Variants in VPS54 observed in about 807,000 individuals in gnomAD.
VPS54 encodes VPS54 subunit of GARP complex.
Under a neutral mutation model 121.5 loss-of-function variants are expected in VPS54, and 45 were observed. That is an observed-to-expected ratio of 0.37 (90% CI 0.29 to 0.47). VPS54 has a LOEUF of 0.47. VPS54 is among the 20% of genes least tolerant of loss of function. The pLI is 0.99. For synonymous variants in VPS54, 371 were observed against 385.8 expected (o/e 0.96, Z 0.45); for missense variants, 1,090 against 1,131.4 (o/e 0.96, Z 0.52).
chr2:63,960,434 A>G (rs1373317462), intron 7 of VPS54, among the ~76,000 whole-genome samples: 3 of 152,032 alleles, frequency 2.0e-5, no homozygotes, highest in Admixed American at 6.5e-5. Context: ...TAAATATCCA[A>G]CCCTCTTCTT....
intron 5 of VPS54, among the ~76,000 whole-genome samples, chr2:63,967,667 C>T (rs1676063711): frequency 7.2e-6 from 1 of 138,740 alleles, no homozygotes; most frequent in African/African-American, 2.7e-5. Flanking sequence ...TGCAGTGAGC[C>T]AAGATTGTGC....
At chr2:63,938,028 A>G (rs1259250045) in intron 11 of VPS54, among the ~76,000 whole-genome samples, 3 of 135,054 alleles carry the variant, frequency 2.2e-5, no homozygotes, top group African/African-American at 5.9e-5. Context: ...GGATTGGGGA[A>G]AGTGGAAACG....
At chr2:63,902,041 G>A (rs1575883494) in intron 20 of VPS54, among the ~76,000 whole-genome samples, 1 of 152,160 alleles carries the variant, frequency 6.6e-6, no homozygotes, top group South Asian at 2.1e-4. Context: ...GAAAAAACAT[G>A]CCTGCTGCTG....
chr2:63,940,981 G>C (rs1325996891), intron 11 of VPS54, among the ~76,000 whole-genome samples: 1 of 152,298 alleles, frequency 6.6e-6, no homozygotes, highest in East Asian at 1.9e-4. Context: ...TTGTGAACCT[G>C]ATTGGAGAGC....
chr2:63,983,211 A>G (rs958329996), intron 2 of VPS54, among the ~76,000 whole-genome samples: 1 of 145,204 alleles, frequency 6.9e-6, no homozygotes, highest in South Asian at 2.2e-4. Flanking sequence ...AGTGCACTGC[A>G]ACCTCCACCT....
chr2:63,901,485 C>T (rs79864448), intron 20 of VPS54, among the ~76,000 whole-genome samples: 23,389 of 152,228 alleles, frequency 0.15, 2,300 homozygotes, highest in Middle Eastern at 0.25. Context: ...TTTTACTTCA[C>T]GGCCTCCAGG....
At chr2:63,998,833 G>C (rs1028244797) in intron 1 of VPS54, among the ~76,000 whole-genome samples, 27 of 152,012 alleles carry the variant, frequency 1.8e-4, no homozygotes, top group Admixed American at 5.9e-4. Flanking sequence ...TTACACACCA[G>C]TTATCATGTT....
intron 5 of VPS54, among the ~76,000 whole-genome samples, chr2:63,966,215 T>C (rs1675990786): frequency 6.6e-6 from 1 of 152,186 alleles, no homozygotes; most frequent in African/African-American, 2.4e-5. Flanking sequence ...GTCATTCTAT[T>C]ACTACATGAT....
At chr2:63,903,733 C>G (rs1046973486) in intron 20 of VPS54, among the ~76,000 whole-genome samples, 1 of 151,996 alleles carries the variant, frequency 6.6e-6, no homozygotes, top group Non-Finnish European at 1.5e-5. Context: ...GTTATAATCC[C>G]TAGAGCAGCC....
chr2:63,991,623 G>C (rs1346614474), intron 1 of VPS54, among the ~76,000 whole-genome samples: 2 of 152,212 alleles, frequency 1.3e-5, no homozygotes, highest in Non-Finnish European at 2.9e-5. Flanking sequence ...TGCTGCTACT[G>C]TTTGCTCACG....
intron 1 of VPS54, among the ~76,000 whole-genome samples, chr2:64,005,189 C>T (rs1437941374): frequency 2.1e-5 from 3 of 143,006 alleles, no homozygotes; most frequent in Admixed American, 7.2e-5. Context: ...CTGCAAGCTC[C>T]GCCTCCCAGG....
chr2:63,940,135 T>G (rs1437279436), intron 11 of VPS54, among the ~76,000 whole-genome samples: 3 of 152,166 alleles, frequency 2.0e-5, no homozygotes, highest in Non-Finnish European at 4.4e-5. Context: ...GTATATAATA[T>G]TCCATGGTAA....
At position 64,015,603 on chromosome 2, in the gene VPS54, C is replaced by T. The variant is rs570951524; in HGVS notation, c.-21+3335G>A. ...CATCCTTGGCCAATACCATTTCCTTCAGCTATGACAACCAAAAATGTCTCT... is the reference window on the plus strand; with the variant it reads ...CATCCTTGGCCAATACCATTTCCTTTAGCTATGACAACCAAAAATGTCTCT... On this transcript the variant is annotated intron_variant, in intron 1 of 22. Coordinates refer to ENST00000272322, the MANE Select transcript of VPS54 (RefSeq NM_016516.3). Among the ~76,000 whole-genome samples, 4 of 152,318 alleles carry T rather than the reference C, an allele frequency of 2.6e-5. No individual in the cohort carries two copies. The East Asian group carries it at 5.8e-4, about 22-fold the overall frequency.
intron 20 of VPS54, among the ~76,000 whole-genome samples, chr2:63,908,913 A>G (rs995267938): frequency 2.0e-5 from 3 of 152,212 alleles, no homozygotes; most frequent in African/African-American, 7.2e-5. Context: ...ATTTGAATTT[A>G]GGTCTACCTG....
At chr2:63,947,726 G>C (rs116432608) in intron 8 of VPS54, among the ~76,000 whole-genome samples, 1 of 152,028 alleles carries the variant, frequency 6.6e-6, no homozygotes, top group African/African-American at 2.4e-5. Context: ...GCTGGTTTTC[G>C]GGCAAAACAA....
intron 1 of VPS54, among the ~76,000 whole-genome samples, chr2:63,991,895 G>T (rs976875534): frequency 1.3e-5 from 2 of 152,178 alleles, no homozygotes; most frequent in Non-Finnish European, 2.9e-5. Context: ...CCACCTCCAC[G>T]TTAGGGGTTG....
chr2:63,947,287 T>C, intron 9 of VPS54, 96 bp downstream of exon 9: 3 of 1,147,690 alleles, frequency 2.6e-6, no homozygotes, highest in Non-Finnish European at 3.5e-6. Context: ...TGAGCTATAT[T>C]ACTATTACAC....
intron 3 of VPS54, among the ~76,000 whole-genome samples, 199 bp from the exon 4 acceptor site, chr2:63,972,443 A>G (rs1010797521): frequency 3.9e-5 from 6 of 152,260 alleles, no homozygotes; most frequent in Admixed American, 2.6e-4. Context: ...ATGCACATCT[A>G]TATACCTACA....
chr2:64,005,584 T>C (rs1431893211), intron 1 of VPS54, among the ~76,000 whole-genome samples: 2 of 152,226 alleles, frequency 1.3e-5, no homozygotes, highest in East Asian at 1.9e-4. Flanking sequence ...GCGTTTCTTA[T>C]ATTCCTAATT....
Sources: gnomAD v4.1 joint callset for allele counts (sites outside exome capture counted in the v4.1 genomes callset) on GRCh38, gnomAD v4.1.1 for gene constraint, MANE v1.5 for transcripts, NCBI Gene and HGNC (gene_info 2026-07-23, HGNC 2026-07-21) for gene names.